Variants in IGSF5 observed in about 807,000 individuals in gnomAD.
IGSF5 encodes the protein immunoglobulin superfamily member 5.
In IGSF5, 41 loss-of-function variants were observed where a neutral mutation model predicts 39.4. The observed-to-expected ratio is 1.04, with a 90% confidence interval of 0.81 to 1.35. IGSF5 has a LOEUF of 1.35. IGSF5 is among the 40% of genes most tolerant of loss of function. IGSF5 has a pLI of 0.00. For synonymous variants in IGSF5, 183 were observed against 175.3 expected (o/e 1.04, Z -0.34); for missense variants, 487 against 494.6 (o/e 0.98, Z 0.15).
chr21:39,722,611 A>G, the IGSF5 span: 1 of 152,122 alleles, frequency 6.6e-6, no homozygotes, highest in South Asian at 2.1e-4. Context: ...TTGTTACCAA[A>G]CAGAAGCTGG....
chr21:39,798,795 C>A, intron 8 of IGSF5, among the ~76,000 whole-genome samples: 1 of 152,228 alleles, frequency 6.6e-6, no homozygotes, highest in Non-Finnish European at 1.5e-5. Flanking sequence ...TCCAGCATGC[C>A]AAAGGCACAC....
upstream of IGSF5, among the ~76,000 whole-genome samples, chr21:39,743,207 T>G (rs899651267): frequency 5.9e-5 from 9 of 152,184 alleles, no homozygotes; most frequent in Non-Finnish European, 1.3e-4. Flanking sequence ...CCTGCTGCCC[T>G]GTGGGGAATC....
At chr21:39,767,464 A>T (rs1722098296) in intron 3 of IGSF5, among the ~76,000 whole-genome samples, 1 of 152,156 alleles carries the variant, frequency 6.6e-6, no homozygotes, top group African/African-American at 2.4e-5. Flanking sequence ...ACAATGTGTG[A>T]CCTGGGACAC....
chr21:39,789,828 A>G (rs1310029226), intron 6 of IGSF5, among the ~76,000 whole-genome samples: 1 of 152,258 alleles, frequency 6.6e-6, no homozygotes, highest in Admixed American at 6.5e-5. Flanking sequence ...AATTTGGATT[A>G]TAGTAACCAT....
Position 39,793,994 on chromosome 21 carries a change from G to A in IGSF5, c.1128+381G>A, listed in dbSNP as rs79434944. 1.2e-3 allele frequency among the ~76,000 whole-genome samples: 180 copies of A among 152,268 alleles called. 1 individual carries two copies. The highest frequency in any genetic ancestry group is 4.0e-3 in the African/African-American group (167 of 41,546). On this transcript the variant is annotated intron_variant, in intron 8 of 8. Coordinates refer to ENST00000380588, the MANE Select transcript of IGSF5 (RefSeq NM_001080444.2). ...GTCCATTCTGCTCTCCTGGTTACCC[G>A]CTCCCACGTGCTCATCTGTACTTGG... is the stretch of plus-strand genomic sequence containing the variant.
intron 2 of IGSF5, among the ~76,000 whole-genome samples, chr21:39,747,693 G>A (rs1265959848): frequency 6.6e-6 from 1 of 152,212 alleles, no homozygotes; most frequent in Non-Finnish European, 1.5e-5. Context: ...ATGAGTGGTT[G>A]TATCATTTTA....
At chr21:39,772,762 T>C (rs1308326980) in intron 4 of IGSF5, among the ~76,000 whole-genome samples, 1 of 152,220 alleles carries the variant, frequency 6.6e-6, no homozygotes, top group Non-Finnish European at 1.5e-5. Flanking sequence ...ATACTTTGAC[T>C]TAGGTTACAT....
At chr21:39,779,780 T>G (rs1249859090) in intron 5 of IGSF5, among the ~76,000 whole-genome samples, 1 of 152,178 alleles carries the variant, frequency 6.6e-6, no homozygotes, top group East Asian at 1.9e-4. Flanking sequence ...GATATTATGC[T>G]AAGTGAAATA....
At chr21:39,742,022 G>A (rs1454691735), upstream of IGSF5, among the ~76,000 whole-genome samples, 1 of 151,856 alleles carries the variant, frequency 6.6e-6, no homozygotes. Context: ...GTTGGGCCTC[G>A]GGTCTGAGGG....
At chr21:39,794,068 C>G (rs180818341) in intron 8 of IGSF5, among the ~76,000 whole-genome samples, 2 of 152,290 alleles carry the variant, frequency 1.3e-5, no homozygotes, top group Admixed American at 1.3e-4. Context: ...GTTTGAGGAT[C>G]AGGACAGAGA....
At chr21:39,732,375 G>A in the IGSF5 span, among the ~76,000 whole-genome samples, 1 of 152,220 alleles carries the variant, frequency 6.6e-6, no homozygotes, top group East Asian at 1.9e-4. Context: ...ACCATTAAGT[G>A]ACAATGTGAC....
At chr21:39,778,901 T>C (rs528940530) in intron 4 of IGSF5, among the ~76,000 whole-genome samples, 189 bp from the exon 5 acceptor site, 2 of 152,274 alleles carry the variant, frequency 1.3e-5, no homozygotes, top group East Asian at 3.9e-4. Flanking sequence ...GAAATAAGTA[T>C]TGTGATGGAA....
intron 8 of IGSF5, among the ~76,000 whole-genome samples, chr21:39,795,895 T>C (rs117680738): frequency 6.6e-6 from 1 of 152,098 alleles, no homozygotes; most frequent in Admixed American, 6.5e-5. Context: ...AGTTGAATTA[T>C]CTTTGTCTGG....
At chr21:39,781,152 C>T (rs2080168310) in intron 5 of IGSF5, among the ~76,000 whole-genome samples, 1 of 152,114 alleles carries the variant, frequency 6.6e-6, no homozygotes, top group Non-Finnish European at 1.5e-5. Context: ...GCAATTCACT[C>T]TGTAGTATAA....
the IGSF5 span, among the ~76,000 whole-genome samples, chr21:39,718,677 G>T: frequency 6.6e-6 from 1 of 152,116 alleles, no homozygotes; most frequent in Non-Finnish European, 1.5e-5. Context: ...GTTGAACCAG[G>T]CTTGCATCCT....
chr21:39,801,189 G>T (rs1020848882), intron 8 of IGSF5, 73 bp from the exon 9 acceptor site: 3 of 1,032,622 alleles, frequency 2.9e-6, no homozygotes, highest in South Asian at 1.3e-5. Context: ...GATGAGTGAA[G>T]CTCTCTTTTC....
At chr21:39,771,334 T>C (rs1381805055) in intron 4 of IGSF5, 119 bp downstream of exon 4, 3 of 922,058 alleles carry the variant, frequency 3.3e-6, no homozygotes, top group Non-Finnish European at 4.6e-6. Flanking sequence ...TGATTTTGGG[T>C]GGGGATGATA....
At chr21:39,777,604 CTCTA>C (rs2080147575) in intron 4 of IGSF5, among the ~76,000 whole-genome samples, 1 of 152,028 alleles carries the variant, frequency 6.6e-6, no homozygotes, top group South Asian at 2.1e-4. Flanking sequence ...TTTTACAAGT[CTCTA>C]TCTATTCCAG....
intron 2 of IGSF5, 32 bp from the exon 3 acceptor site, chr21:39,765,503 T>G (rs755376859): frequency 6.3e-7 from 1 of 1,592,040 alleles, no homozygotes; most frequent in South Asian, 1.1e-5. Flanking sequence ...GATCCATTCA[T>G]TTAACAACTT....
Sources: allele counts gnomAD v4.1 joint callset (sites outside exome capture counted in the v4.1 genomes callset), GRCh38; gene constraint gnomAD v4.1.1; transcripts MANE v1.5; gene names NCBI Gene and HGNC (gene_info 2026-07-23, HGNC 2026-07-21).